CACNA1B: variants seen among roughly 807,000 people sequenced by gnomAD.
CACNA1B encodes the protein voltage-dependent N-type calcium channel subunit alpha-1B.
CACNA1B carries 70 observed loss-of-function variants against 247.2 expected under a neutral mutation model. The ratio of observed to expected loss-of-function variants is 0.28; its 90% CI spans 0.23 to 0.35. The LOEUF is 0.35. Ranked by LOEUF, CACNA1B falls within the 10% of genes least tolerant of loss-of-function variation. CACNA1B has a pLI of 1.00. For missense variants in CACNA1B, 2,367 were observed against 3,197.4 expected, an observed-to-expected ratio of 0.74 and a Z score of 6.26; for synonymous variants, 1,231 against 1,294.4, an observed-to-expected ratio of 0.95 and a Z score of 1.05.
chr9:138,099,452 T>A (rs1961174400), intron 37 of CACNA1B, among the ~76,000 whole-genome samples: 2 of 152,386 alleles, frequency 1.3e-5, no homozygotes, highest in South Asian at 2.1e-4. Context: ...TATGCCCATG[T>A]GTGCATGTGT....
chr9:137,922,925 C>T (rs534955753), intron 6 of CACNA1B, among the ~76,000 whole-genome samples: 3 of 152,130 alleles, frequency 2.0e-5, no homozygotes, highest in African/African-American at 7.2e-5. Flanking sequence ...GTGGTCACAC[C>T]CGCATCTCTC....
chr9:138,080,304 G>A (rs776029369), intron 36 of CACNA1B, among the ~76,000 whole-genome samples: 6 of 152,170 alleles, frequency 3.9e-5, no homozygotes, highest in African/African-American at 7.2e-5. Flanking sequence ...GGAGGTTCTC[G>A]TGAGGACATG....
intron 18 of CACNA1B, among the ~76,000 whole-genome samples, chr9:138,021,893 G>A (rs1371558448): frequency 1.3e-5 from 2 of 152,250 alleles, no homozygotes; most frequent in Non-Finnish European, 2.9e-5. Flanking sequence ...AGGCCATCCA[G>A]CAGCCTTGGA....
intron 3 of CACNA1B, among the ~76,000 whole-genome samples, 197 bp from the exon 4 acceptor site, chr9:137,912,983 G>A (rs1957374336): frequency 6.6e-6 from 1 of 152,180 alleles, no homozygotes; most frequent in South Asian, 2.1e-4. Context: ...CCTCTCACCT[G>A]GCAAGCCGCT....
chr9:137,956,407 C>T (rs1439745976), intron 8 of CACNA1B, among the ~76,000 whole-genome samples: 1 of 152,210 alleles, frequency 6.6e-6, no homozygotes, highest in Non-Finnish European at 1.5e-5. Flanking sequence ...CCTACAGTCC[C>T]AGCACTTTGG....
At chr9:138,086,954 T>G (rs1292617685) in intron 36 of CACNA1B, among the ~76,000 whole-genome samples, 1 of 150,458 alleles carries the variant, frequency 6.6e-6, no homozygotes, top group Non-Finnish European at 1.5e-5. Context: ...TAATTGAAAT[T>G]GTATCAAGTA....
At position 137,955,579 on chromosome 9, in the gene CACNA1B, A is replaced by T. The variant is rs1401456403; in HGVS notation, c.1071-119A>T. 1 of 680,312 alleles carries T rather than the reference A, an allele frequency of 1.5e-6. No homozygotes were observed. Among genetic ancestry groups the T allele is most frequent in the Admixed American group, 2.8e-5 (1 of 35,372 alleles). The allele number at this position is 680,312 out of a possible 1,614,324, so 42.1% of individuals were successfully genotyped here. On this transcript the variant is annotated intron_variant, in intron 7 of 46. Coordinates refer to ENST00000371372, the MANE Select transcript of CACNA1B (RefSeq NM_000718.4). This position sits in a 1 kb window ranked among gnomAD's most constrained non-coding sequence, Gnocchi z 6.9. ...TGGGTGGCAGGGGCCTGCCTGAAGCAGCAGCCTGCAGCCTGCGTCTCCTGT... is the reference window on the plus strand; with the variant it reads ...TGGGTGGCAGGGGCCTGCCTGAAGCTGCAGCCTGCAGCCTGCGTCTCCTGT...
chr9:137,903,004 G>A (rs1195011163), intron 3 of CACNA1B, among the ~76,000 whole-genome samples: 1 of 152,184 alleles, frequency 6.6e-6, no homozygotes, highest in Non-Finnish European at 1.5e-5. Context: ...AAACCAAAAC[G>A]CATACCTATA....
At chr9:137,945,642 CT>C (rs1957787073) in intron 6 of CACNA1B, among the ~76,000 whole-genome samples, 1 of 152,232 alleles carries the variant, frequency 6.6e-6, no homozygotes, top group African/African-American at 2.4e-5. Context: ...AAGCCTACAA[CT>C]TGTTCAAACC....
At chr9:137,994,634 C>T (rs1958474850) in intron 15 of CACNA1B, among the ~76,000 whole-genome samples, 2 of 152,160 alleles carry the variant, frequency 1.3e-5, no homozygotes. Context: ...AAAATAAATA[C>T]TTAGGAATAT....
At chr9:138,036,290 C>T (rs1480677416) in intron 20 of CACNA1B, among the ~76,000 whole-genome samples, 1 of 152,182 alleles carries the variant, frequency 6.6e-6, no homozygotes, top group African/African-American at 2.4e-5. Flanking sequence ...CAGGCGCCCG[C>T]CACCACGCCT....
At chr9:137,926,360 G>T (rs144736356) in intron 6 of CACNA1B, among the ~76,000 whole-genome samples, 1 of 152,116 alleles carries the variant, frequency 6.6e-6, no homozygotes, top group Non-Finnish European at 1.5e-5. Flanking sequence ...AAGCCACTGC[G>T]CCCAGCCACC....
rs151206731 is a variant in CACNA1B, at chr9:138,091,952, A to G, written c.5095-4532A>G. On this transcript the variant is annotated intron_variant, in intron 36 of 46. Coordinates refer to ENST00000371372, the MANE Select transcript of CACNA1B (RefSeq NM_000718.4). ...ACATCACCTATTGGTAGGTTCTGTG[A>G]TGCCCCTTGAACTGCAAAACCAGCA... Among the ~76,000 whole-genome samples the G allele has an allele frequency of 1.5e-3, 224 of 152,330 alleles. 3 individuals are homozygous for G. In the East Asian group the frequency reaches 0.034, roughly 23 times the overall value.
At chr9:138,041,606 A>C (rs148987833) in intron 20 of CACNA1B, among the ~76,000 whole-genome samples, 212 of 151,974 alleles carry the variant, frequency 1.4e-3, no homozygotes, top group African/African-American at 4.9e-3. Flanking sequence ...ATGATTGATG[A>C]CTTTCATATG....
chr9:137,878,848 G>T (rs910183810), intron 1 of CACNA1B, among the ~76,000 whole-genome samples: 1 of 152,166 alleles, frequency 6.6e-6, no homozygotes, highest in Non-Finnish European at 1.5e-5. Flanking sequence ...CCCAGACTGC[G>T]GAGGCCCCGC....
intron 3 of CACNA1B, chr9:137,892,081 CTT>C (rs1564876688): frequency 2.2e-6 from 1 of 457,286 alleles, no homozygotes; most frequent in Admixed American, 2.3e-5. Context: ...GCTGGCCTCT[CTT>C]TGCCCTCCTC....
chr9:138,049,924 G>C (rs1051999128), intron 24 of CACNA1B: 53 of 452,388 alleles, frequency 1.2e-4, no homozygotes, highest in Non-Finnish European at 4.3e-5. Context: ...GGAATACGGC[G>C]GGGAGTTGTG....
chr9:137,983,505 T>C (rs1831522869), intron 12 of CACNA1B, among the ~76,000 whole-genome samples: 1 of 152,122 alleles, frequency 6.6e-6, no homozygotes, highest in South Asian at 2.1e-4. Context: ...GACGTGTACC[T>C]TGCTCACAAA....
At chr9:138,015,209 C>T (rs117704666) in intron 18 of CACNA1B, among the ~76,000 whole-genome samples, 1,848 of 152,266 alleles carry the variant, frequency 0.012, 23 homozygotes, top group Non-Finnish European at 0.018. Flanking sequence ...GGTGTCAGCC[C>T]CCATGGTCCC....
Sources: allele counts gnomAD v4.1 joint callset (sites outside exome capture counted in the v4.1 genomes callset), GRCh38; gene constraint gnomAD v4.1.1; non-coding constraint Gnocchi (gnomAD v3.1); transcripts MANE v1.5; gene names NCBI Gene and HGNC (gene_info 2026-07-23, HGNC 2026-07-21).